Variants in FER observed in about 807,000 individuals in gnomAD.
The protein encoded by FER is tyrosine-protein kinase Fer.
Under a neutral mutation model 111.0 loss-of-function variants are expected in FER, and 63 were observed. The ratio of observed to expected loss-of-function variants is 0.57; its 90% confidence interval spans 0.46 to 0.70. The LOEUF (loss-of-function observed/expected upper bound fraction) is 0.70. Ranked by LOEUF, FER falls within the 30% of genes least tolerant of loss-of-function variation. The pLI, the probability that FER is intolerant of heterozygous loss-of-function variation, is 0.00. For synonymous variants in FER, 327 were observed against 313.9 expected (o/e 1.04, Z -0.44); for missense variants, 914 against 954.0 (o/e 0.96, Z 0.55).
rs1034343893 is a variant in FER, at chr5:109,146,619, T to G, written c.2049-34128T>G. Among the ~76,000 whole-genome samples, 3 of 152,024 alleles carry G rather than the reference T, an allele frequency of 2.0e-5. No homozygotes were observed. The South Asian group carries it at 6.2e-4, about 31-fold the overall frequency. On this transcript the variant is annotated intron_variant, in intron 17 of 19. Coordinates refer to ENST00000281092, the MANE Select transcript of FER (RefSeq NM_005246.4). Reference sequence around the variant, plus strand: ...CATATATGACATGTATGACATGACATGGATGAAGTACCTATAAGACATCAT... The same window carrying G: ...CATATATGACATGTATGACATGACAGGGATGAAGTACCTATAAGACATCAT...
At chr5:108,857,449 T>C (rs1409417282) in intron 5 of FER, among the ~76,000 whole-genome samples, 11 of 152,162 alleles carry the variant, frequency 7.2e-5, no homozygotes, top group Non-Finnish European at 1.6e-4. Flanking sequence ...ATTTGATCAT[T>C]GGAGTAAGGT....
chr5:108,935,838 T>A (rs1477501520), intron 10 of FER, among the ~76,000 whole-genome samples: 1 of 152,100 alleles, frequency 6.6e-6, no homozygotes, highest in Non-Finnish European at 1.5e-5. Flanking sequence ...GAGCATAGAT[T>A]CTGAATCAAG....
intron 8 of FER, 75 bp downstream of exon 8, chr5:108,872,287 T>C (rs1764674997): frequency 7.4e-7 from 1 of 1,356,614 alleles, no homozygotes; most frequent in Non-Finnish European, 9.9e-7. Context: ...AGATTTAAAA[T>C]ATCAATTATT....
At chr5:109,090,582 A>G (rs1403628267) in intron 16 of FER, among the ~76,000 whole-genome samples, 2 of 152,208 alleles carry the variant, frequency 1.3e-5, no homozygotes, top group Non-Finnish European at 2.9e-5. Flanking sequence ...ACAGACAATT[A>G]AACAAAAAAA....
intron 1 of FER, among the ~76,000 whole-genome samples, chr5:108,765,389 A>G (rs1752207076): frequency 6.6e-6 from 1 of 152,166 alleles, no homozygotes; most frequent in Non-Finnish European, 1.5e-5. Context: ...TTGAGACACA[A>G]TACATGGGTC....
At chr5:108,996,546 G>C (rs1254469472) in intron 13 of FER, among the ~76,000 whole-genome samples, 3 of 152,096 alleles carry the variant, frequency 2.0e-5, no homozygotes, top group African/African-American at 7.2e-5. Flanking sequence ...GTTTTTGTCA[G>C]GTTTGTCAAA....
chr5:108,904,653 T>TA (rs1223114306), intron 10 of FER, among the ~76,000 whole-genome samples: 7 of 152,196 alleles, frequency 4.6e-5, no homozygotes, highest in African/African-American at 1.4e-4. Context: ...TTGTTGTAAA[T>TA]ACATCTTCAG....
At chr5:108,879,540 AT>A (rs1264219066) in intron 8 of FER, among the ~76,000 whole-genome samples, 2 of 151,760 alleles carry the variant, frequency 1.3e-5, no homozygotes, top group East Asian at 3.9e-4. Context: ...TTTATGAACT[AT>A]TCTTACATTT....
chr5:109,074,956 T>C (rs549607957), intron 16 of FER, among the ~76,000 whole-genome samples: 11 of 152,348 alleles, frequency 7.2e-5, no homozygotes, highest in African/African-American at 9.6e-5. Flanking sequence ...GGTGACATGT[T>C]CATAGTATTC....
chr5:108,954,931 A>G lies in FER; in HGVS notation c.1532A>G (p.Asp511Gly). 6.2e-7 allele frequency: 1 copy of G among 1,603,016 alleles called. No individual in the cohort carries two copies. Among genetic ancestry groups the G allele is most frequent in the Non-Finnish European group, 8.5e-7 (1 of 1,174,524 alleles). The stretch of plus-strand genomic sequence containing the variant: ...AGACATTTTATCATACAATATGTTG[A>G]TGTACGTTTCCAGTTTAGTTCATAT... ...QRRHFIIQYV[D>G]NMYRFEGTGF... Residue 511 changes from aspartate (D) to glycine (G), a missense_variant and splice_region_variant, in exon 12 of 20, where the codon GAT becomes GGT. By Grantham distance (94) the Asp-to-Gly change is moderately conservative. This residue lies in a region of FER where 774 missense variants were observed against 782.6 expected (regional missense o/e 0.99). Transcript: ENST00000281092.
intron 17 of FER, among the ~76,000 whole-genome samples, chr5:109,159,788 C>T (rs890909554): frequency 2.0e-5 from 3 of 152,154 alleles, no homozygotes; most frequent in East Asian, 1.9e-4. Context: ...CTAGAGTCTG[C>T]GAATAGTCGC....
At chr5:109,027,836 C>A (rs1768976184) in intron 13 of FER, among the ~76,000 whole-genome samples, 2 of 152,048 alleles carry the variant, frequency 1.3e-5, no homozygotes, top group Non-Finnish European at 2.9e-5. Flanking sequence ...AGGCAAAATT[C>A]TAAGATTTAG....
chr5:108,768,451 CAACT>C (rs1752555601), intron 2 of FER, among the ~76,000 whole-genome samples: 1 of 152,136 alleles, frequency 6.6e-6, no homozygotes, highest in South Asian at 2.1e-4. Context: ...TTATTTTTCT[CAACT>C]AACACTTATA....
intron 13 of FER, among the ~76,000 whole-genome samples, chr5:108,997,907 A>G (rs907285695): frequency 6.6e-6 from 1 of 152,090 alleles, no homozygotes; most frequent in Non-Finnish European, 1.5e-5. Context: ...TCCCAGTTCG[A>G]AATTCCCTGT....
chr5:108,828,076 C>T (rs1450171768), intron 3 of FER, among the ~76,000 whole-genome samples: 1 of 151,886 alleles, frequency 6.6e-6, no homozygotes, highest in Non-Finnish European at 1.5e-5. Context: ...TGCTACATTG[C>T]CCAGGCTACT....
chr5:108,888,624 A>C (rs1032333137), intron 9 of FER, among the ~76,000 whole-genome samples: 2 of 151,872 alleles, frequency 1.3e-5, no homozygotes, highest in African/African-American at 2.4e-5. Flanking sequence ...ATAATCATAC[A>C]TTTACTATAA....
At chr5:109,028,849 C>T (rs1186555371) in intron 13 of FER, among the ~76,000 whole-genome samples, 1 of 152,138 alleles carries the variant, frequency 6.6e-6, no homozygotes, top group Non-Finnish European at 1.5e-5. Flanking sequence ...CTCAGGAAAT[C>T]CCATTTGAGT....
At chr5:108,939,314 G>A (rs1755939871) in intron 10 of FER, among the ~76,000 whole-genome samples, 1 of 151,998 alleles carries the variant, frequency 6.6e-6, no homozygotes, top group Admixed American at 6.6e-5. Context: ...TTTTGTTAGT[G>A]ATCATTGTGA....
chr5:109,022,462 G>T (rs750510162), intron 13 of FER, among the ~76,000 whole-genome samples: 4 of 152,122 alleles, frequency 2.6e-5, no homozygotes, highest in Non-Finnish European at 5.9e-5. Flanking sequence ...TAGTGCAGAA[G>T]TCTTGAAGTG....
Sources: allele counts gnomAD v4.1 joint callset (sites outside exome capture counted in the v4.1 genomes callset), GRCh38; gene constraint gnomAD v4.1.1; regional missense constraint gnomAD v4.1.1; transcripts MANE v1.5; gene names NCBI Gene and HGNC (gene_info 2026-07-23, HGNC 2026-07-21).